Variants in GRIK1 observed in about 807,000 individuals in gnomAD.
GRIK1 encodes glutamate receptor ionotropic, kainate 1.
In GRIK1, 69 loss-of-function variants were observed where a neutral mutation model predicts 105.7. That is an observed-to-expected ratio of 0.65 (90% CI 0.54 to 0.80). The LOEUF (loss-of-function observed/expected upper bound fraction) is 0.80. Among genes scored for constraint, GRIK1 ranks in the 30% least tolerant of loss-of-function variants. The probability of loss-of-function intolerance (pLI) is 0.00; values close to 1 mark genes in which losing one functional copy is unlikely to be tolerated. For missense variants in GRIK1, 1,109 were observed against 1,167.3 expected (o/e 0.95, Z 0.73); for synonymous variants, 438 against 431.3 (o/e 1.02, Z -0.19).
chr21:29,698,998 G>A (rs146780656), intron 1 of GRIK1, among the ~76,000 whole-genome samples: 2 of 152,112 alleles, frequency 1.3e-5, no homozygotes, highest in African/African-American at 4.8e-5. Context: ...TGTCCTGATT[G>A]CTCCCACTGT....
intron 3 of GRIK1, among the ~76,000 whole-genome samples, chr21:29,687,546 C>T (rs1400309523): frequency 6.6e-6 from 1 of 152,120 alleles, no homozygotes; most frequent in African/African-American, 2.4e-5. Flanking sequence ...CTTGAATCAT[C>T]TCTCAATGGG....
Position 29,689,741 on chromosome 21 carries a change from A to G in GRIK1, c.531T>C (p.Tyr177=). ...YYNWKTVTVV[Y]EDSTGLIRLQ... The stretch of plus-strand genomic sequence containing the variant: ...TGAGTCCCATACCTGTGCTGTCTTC[A>G]TACACCACTGTCACTGTTTTCCAGT... The change falls in exon 3 of 18, where the codon TAT becomes TAC. Residue 177 remains tyrosine (Y), a synonymous_variant. Coordinates refer to ENST00000327783, the MANE Select transcript of GRIK1 (RefSeq NM_001330994.2). The G allele has an allele frequency of 6.2e-7, 1 of 1,614,042 alleles. No homozygotes were observed. The highest frequency in any genetic ancestry group is 8.5e-7 in the Non-Finnish European group (1 of 1,179,932).
chr21:29,827,303 T>C (rs2067488438), intron 1 of GRIK1, among the ~76,000 whole-genome samples: 2 of 152,260 alleles, frequency 1.3e-5, no homozygotes, highest in East Asian at 1.9e-4. Flanking sequence ...CAATTTTAAG[T>C]AATATTAAAA....
chr21:29,765,823 C>G lies in GRIK1; in HGVS notation c.119-71760G>C, dbSNP rs114902904. On this transcript the variant is annotated intron_variant, in intron 1 of 17. Transcript: ENST00000327783. ...CCTTCAATATTTCTTTACTACTGTTCTTGTCAGCTTAAATTTTATCTAAGA... is the reference window on the plus strand; with the variant it reads ...CCTTCAATATTTCTTTACTACTGTTGTTGTCAGCTTAAATTTTATCTAAGA... Among the ~76,000 whole-genome samples the G allele has an allele frequency of 4.2e-3, 637 of 152,014 alleles. 7 individuals are homozygous for G. The highest frequency in any genetic ancestry group is 0.015 in the African/African-American group (622 of 41,492).
intron 5 of GRIK1, among the ~76,000 whole-genome samples, chr21:29,652,052 A>T (rs1303427227): frequency 2.0e-5 from 3 of 152,206 alleles, no homozygotes; most frequent in Non-Finnish European, 2.9e-5. Context: ...GATAATTAGT[A>T]TGTCCTTGGG....
intron 1 of GRIK1, among the ~76,000 whole-genome samples, chr21:29,758,267 A>C (rs2065403553): frequency 6.6e-6 from 1 of 152,160 alleles, no homozygotes; most frequent in Non-Finnish European, 1.5e-5. Flanking sequence ...ATAAAGACAT[A>C]CTCGAGACTG....
At chr21:29,829,577 C>T (rs2067569258) in intron 1 of GRIK1, among the ~76,000 whole-genome samples, 1 of 152,100 alleles carries the variant, frequency 6.6e-6, no homozygotes, top group East Asian at 1.9e-4. Flanking sequence ...GCAAGCAGTG[C>T]CACTCAGTAT....
chr21:29,586,295 AT>A (rs2091129671), intron 12 of GRIK1, among the ~76,000 whole-genome samples: 1 of 152,222 alleles, frequency 6.6e-6, no homozygotes, highest in East Asian at 1.9e-4. Flanking sequence ...GTGAGAGCAC[AT>A]GTTGATTCAG....
At chr21:29,823,295 G>T (rs1344543561) in intron 1 of GRIK1, among the ~76,000 whole-genome samples, 1 of 151,844 alleles carries the variant, frequency 6.6e-6, no homozygotes, top group East Asian at 1.9e-4. Flanking sequence ...CAACACTGAT[G>T]TATTAACTTT....
intron 13 of GRIK1, among the ~76,000 whole-genome samples, chr21:29,579,959 G>GTGTATATATATATATA: frequency 7.7e-6 from 1 of 130,334 alleles, no homozygotes; most frequent in African/African-American, 3.5e-5. Context: ...ATATATATGT[G>GTGTATATATATATATA]TGTGTGTATA....
intron 1 of GRIK1, among the ~76,000 whole-genome samples, chr21:29,911,537 A>C (rs952506364): frequency 6.6e-6 from 1 of 152,088 alleles, no homozygotes; most frequent in African/African-American, 2.4e-5. Context: ...TTAATATTAC[A>C]TACTCTGATT....
intron 1 of GRIK1, among the ~76,000 whole-genome samples, chr21:29,869,825 A>G (rs2068950093): frequency 6.6e-6 from 1 of 152,184 alleles, no homozygotes; most frequent in African/African-American, 2.4e-5. Flanking sequence ...GCTAGTAACC[A>G]CTAACTTAAT....
chr21:29,561,572 C>G, intron 15 of GRIK1, 52 bp downstream of exon 15: 1 of 1,224,894 alleles, frequency 8.2e-7, no homozygotes. Context: ...GCCTTCTATA[C>G]TGGTAACTGA....
chr21:29,605,959 ATTG>A (rs1007575418), intron 7 of GRIK1, among the ~76,000 whole-genome samples: 3 of 151,856 alleles, frequency 2.0e-5, no homozygotes, highest in Non-Finnish European at 4.4e-5. Flanking sequence ...GAAGAAAAAA[ATTG>A]TTTTTAAGTG....
At chr21:29,876,248 T>C (rs1270856642) in intron 1 of GRIK1, among the ~76,000 whole-genome samples, 1 of 152,074 alleles carries the variant, frequency 6.6e-6, no homozygotes, top group African/African-American at 2.4e-5. Flanking sequence ...CCTCATAGGA[T>C]CATTGGGCCA....
At chr21:29,781,447 T>G (rs968469243) in intron 1 of GRIK1, among the ~76,000 whole-genome samples, 31 of 152,276 alleles carry the variant, frequency 2.0e-4, no homozygotes, top group Admixed American at 1.6e-3. Context: ...CGTACCTATG[T>G]GTATGCCATT....
chr21:29,875,387 A>C (rs1450976581), intron 1 of GRIK1, among the ~76,000 whole-genome samples: 1 of 152,174 alleles, frequency 6.6e-6, no homozygotes, highest in East Asian at 1.9e-4. Context: ...ATTTTGCTCC[A>C]AAGTGGTCTT....
At chr21:29,686,132 G>A (rs1295248855) in intron 3 of GRIK1, among the ~76,000 whole-genome samples, 1 of 152,160 alleles carries the variant, frequency 6.6e-6, no homozygotes, top group Admixed American at 6.5e-5. Context: ...CATAGAAATA[G>A]ACAGTTTTCC....
At chr21:29,667,274 C>T (rs1445141204) in intron 4 of GRIK1, among the ~76,000 whole-genome samples, 2 of 152,106 alleles carry the variant, frequency 1.3e-5, no homozygotes, top group Admixed American at 1.3e-4. Context: ...CTCTGTTTGC[C>T]ATCATTACAG....
Sources: allele counts gnomAD v4.1 joint callset (sites outside exome capture counted in the v4.1 genomes callset), GRCh38; gene constraint gnomAD v4.1.1; transcripts MANE v1.5; gene names NCBI Gene and HGNC (gene_info 2026-07-23, HGNC 2026-07-21).